Variants in STK32C observed in about 807,000 individuals in gnomAD.
The protein encoded by STK32C is serine/threonine kinase 32C.
Under a neutral mutation model 56.5 loss-of-function variants are expected in STK32C, and 31 were observed. The observed-to-expected ratio is 0.55, with a 90% CI of 0.41 to 0.74. The LOEUF (loss-of-function observed/expected upper bound fraction) is 0.74. Among genes scored for constraint, STK32C ranks in the 30% least tolerant of loss-of-function variants. STK32C has a pLI of 0.00. For missense variants in STK32C, 544 were observed against 676.9 expected (o/e 0.80, Z 2.18); for synonymous variants, 309 against 289.4 (o/e 1.07, Z -0.69).
At chr10:132,246,629 G>A (rs116580181) in intron 1 of STK32C, among the ~76,000 whole-genome samples, 1,878 of 152,328 alleles carry the variant, frequency 0.012, 40 homozygotes, top group African/African-American at 0.043. Context: ...AAGTCCCTCC[G>A]GGAGAAGGAC....
chr10:132,300,725 A>G (rs2065887166), intron 1 of STK32C, among the ~76,000 whole-genome samples: 2 of 152,170 alleles, frequency 1.3e-5, no homozygotes, highest in South Asian at 4.1e-4. Context: ...GAGACCTGTA[A>G]GGAAGCGCTC....
At chr10:132,279,298 C>T (rs1340722084) in intron 1 of STK32C, among the ~76,000 whole-genome samples, 1 of 152,258 alleles carries the variant, frequency 6.6e-6, no homozygotes, top group African/African-American at 2.4e-5. Flanking sequence ...GGCCATAACA[C>T]GGACTCTCGT....
At chr10:132,321,055 A>G (rs1000065733), downstream of STK32C, among the ~76,000 whole-genome samples, 1 of 152,102 alleles carries the variant, frequency 6.6e-6, no homozygotes, top group Admixed American at 6.5e-5. Flanking sequence ...GTCAGGTGGG[A>G]GGGAGCAGAG....
At chr10:132,224,682 AGCCTGGGTGAGATAAAGCTTAC>A (rs1474237707) in intron 7 of STK32C, among the ~76,000 whole-genome samples, 159 bp from the exon 8 acceptor site, 2 of 149,046 alleles carry the variant, frequency 1.3e-5, no homozygotes, top group African/African-American at 5.0e-5. Flanking sequence ...GCCGCGGAGG[AGCCTGGGTGAGATAAAGCTTAC>A]GCCTGGGTCC....
chr10:132,234,450 C>CCTG (rs2063206298), intron 2 of STK32C, among the ~76,000 whole-genome samples: 1 of 152,206 alleles, frequency 6.6e-6, no homozygotes. Flanking sequence ...TCTGCCTTGC[C>CCTG]CTGCTGCTAG....
rs1454290359 is a variant in STK32C, at chr10:132,254,535, C to A, written c.263-8580G>T. 1.2e-4 allele frequency among the ~76,000 whole-genome samples: 13 copies of A among 105,962 alleles called. 1 individual carries two copies. Among genetic ancestry groups the A allele is most frequent in the Non-Finnish European group, 2.4e-4 (13 of 54,098 alleles). 69.5% of individuals were successfully genotyped at this position (105,962 alleles called of 152,430 possible). A position where few individuals can be genotyped will look rare whatever the true frequency, so the allele number is the denominator to read the frequency against. ...GCCCAGGAGAGTAAAATAAGCCTGC[C>A]GCAGGGTGCCGGGAGTCAGCACTAT... On this transcript the variant is annotated intron_variant, in intron 1 of 11. Transcript: ENST00000298630.
chr10:132,239,613 A>G (rs1333558910), intron 2 of STK32C, among the ~76,000 whole-genome samples: 4 of 152,172 alleles, frequency 2.6e-5, no homozygotes, highest in African/African-American at 9.7e-5. Context: ...GTGCTGCTGG[A>G]AAGTGGGGGC....
intron 10 of STK32C, among the ~76,000 whole-genome samples, chr10:132,220,999 AAGG>A (rs1483740812): frequency 6.6e-6 from 1 of 152,234 alleles, no homozygotes; most frequent in African/African-American, 2.4e-5. Flanking sequence ...GCCGGCTGTG[AAGG>A]AGACCATTTC....
rs79737705 is a variant in STK32C at position 132,247,756 on chromosome 10, G to A, written c.263-1801C>T. ...CTCCTCTGCACAAGACGGTAGTGGG[G>A]CTTGACTCGCAGAGGTGGGGAGAGC... On this transcript the variant is annotated intron_variant, in intron 1 of 11. Coordinates refer to ENST00000298630, the MANE Select transcript of STK32C (RefSeq NM_173575.4). Among the ~76,000 whole-genome samples, 419 of 152,264 alleles carry A rather than the reference G, an allele frequency of 2.8e-3. 22 individuals carry two copies. The East Asian group carries it at 0.071, about 26-fold the overall frequency.
intron 2 of STK32C, among the ~76,000 whole-genome samples, chr10:132,242,145 C>G (rs1057011571): frequency 6.6e-6 from 1 of 151,164 alleles, no homozygotes; most frequent in African/African-American, 2.4e-5. Flanking sequence ...TCCATTCTCC[C>G]CAGAACAGAA....
chr10:132,331,395 T>C (rs2066728052), intron 1 of STK32C: 3 of 1,568,018 alleles, frequency 1.9e-6, no homozygotes, highest in Non-Finnish European at 2.6e-6. Flanking sequence ...TGTCATTTCA[T>C]CTTCTTCCAA....
intron 2 of STK32C, among the ~76,000 whole-genome samples, chr10:132,242,428 T>A (rs928859992): frequency 6.6e-6 from 1 of 152,024 alleles, no homozygotes; most frequent in Non-Finnish European, 1.5e-5. Flanking sequence ...CACCTGAGGT[T>A]GGGGGGGCTC....
At chr10:132,234,732 G>A (rs1162029398) in intron 2 of STK32C, among the ~76,000 whole-genome samples, 1 of 152,192 alleles carries the variant, frequency 6.6e-6, no homozygotes, top group Non-Finnish European at 1.5e-5. Flanking sequence ...TGGCTGCCTC[G>A]AGCCTGTGGC....
intron 4 of STK32C, among the ~76,000 whole-genome samples, chr10:132,226,347 A>G (rs564135241): frequency 4.0e-5 from 6 of 151,842 alleles, no homozygotes; most frequent in Admixed American, 2.6e-4. Flanking sequence ...TCTGCTTCCT[A>G]TTTTCTTTTT....
chr10:132,323,950 A>G (rs1206844385), downstream of STK32C: 1 of 335,076 alleles, frequency 3.0e-6, no homozygotes, highest in Middle Eastern at 8.9e-4. The surrounding 1 kb of genome is among the most constrained non-coding windows in gnomAD (Gnocchi z 4.8). Flanking sequence ...AACCTGTGGC[A>G]GTTAATGCTG....
chr10:132,331,876 G>GAAAAACGGATGCTACCGTTGGCCGCGT, upstream of STK32C: 1 of 1,224,818 alleles, frequency 8.2e-7, no homozygotes, highest in Non-Finnish European at 1.1e-6. Context: ...TGCGTGCGCA[G>GAAAAACGGATGCTACCGTTGGCCGCGT]GCGCACCACC....
At chr10:132,250,748 C>G (rs11146267) in intron 1 of STK32C, among the ~76,000 whole-genome samples, 123,877 of 152,252 alleles carry the variant, frequency 0.81, 50,817 homozygotes, top group African/African-American at 0.91. Context: ...GAACCTTCCA[C>G]GTCTCCGCCT....
chr10:132,287,245 C>G (rs1221067866), intron 1 of STK32C, among the ~76,000 whole-genome samples: 1 of 152,062 alleles, frequency 6.6e-6, no homozygotes, highest in Non-Finnish European at 1.5e-5. Context: ...GTAATCCCAG[C>G]ACTTTGGGAG....
intron 1 of STK32C, among the ~76,000 whole-genome samples, chr10:132,272,609 A>C (rs2064864564): frequency 1.3e-5 from 2 of 152,070 alleles, no homozygotes; most frequent in South Asian, 4.1e-4. Context: ...AAGCGTTCCC[A>C]GACTCCGACC....
Sources: gnomAD v4.1 joint callset for allele counts (sites outside exome capture counted in the v4.1 genomes callset) on GRCh38, gnomAD v4.1.1 for gene constraint, Gnocchi (gnomAD v3.1) non-coding constraint, MANE v1.5 for transcripts, NCBI Gene and HGNC (gene_info 2026-07-23, HGNC 2026-07-21) for gene names.